Variants in GALNT13 observed in about 807,000 individuals in gnomAD.
The protein encoded by GALNT13 is UDP-GalNAc:polypeptide N-acetylgalactosaminyltransferase 13.
In GALNT13, 28 loss-of-function variants were observed where a neutral mutation model predicts 64.2. The ratio of observed to expected loss-of-function variants is 0.44; its 90% confidence interval spans 0.32 to 0.60. GALNT13 has a LOEUF of 0.60. Ranked by LOEUF, GALNT13 falls within the 20% of genes least tolerant of loss-of-function variation. The pLI, the probability that GALNT13 is intolerant of heterozygous loss-of-function variation, is 0.05. For synonymous variants in GALNT13, 214 were observed against 224.6 expected, an observed-to-expected ratio of 0.95 and a Z score of 0.42; for missense variants, 577 against 669.8, an observed-to-expected ratio of 0.86 and a Z score of 1.53.
the GALNT13 span, among the ~76,000 whole-genome samples, chr2:153,113,137 A>T: frequency 2.0e-5 from 3 of 152,002 alleles, no homozygotes; most frequent in Non-Finnish European, 1.5e-5. Context: ...ACGTCAAGAG[A>T]TTGTATTTGT....
chr2:153,094,263 A>G, the GALNT13 span, among the ~76,000 whole-genome samples: 9 of 152,076 alleles, frequency 5.9e-5, no homozygotes, highest in South Asian at 4.1e-4. Flanking sequence ...ACTTATAGCT[A>G]TAACTTCCCT....
the GALNT13 span, among the ~76,000 whole-genome samples, chr2:153,112,916 T>A: frequency 6.6e-6 from 1 of 152,032 alleles, no homozygotes; most frequent in Non-Finnish European, 1.5e-5. Flanking sequence ...TCTAAGAGCT[T>A]TTTTCTCACA....
the GALNT13 span, among the ~76,000 whole-genome samples, chr2:153,522,012 A>AT: frequency 1.3e-5 from 2 of 152,074 alleles, no homozygotes; most frequent in Non-Finnish European, 1.5e-5. Context: ...ATCTGTATGC[A>AT]TTTTTTTGTA....
At chr2:154,277,748 T>A (rs1691729193) in intron 8 of GALNT13, among the ~76,000 whole-genome samples, 1 of 152,192 alleles carries the variant, frequency 6.6e-6, no homozygotes, top group Non-Finnish European at 1.5e-5. Flanking sequence ...GTACTACCCT[T>A]AAAAATTATA....
chr2:153,536,161 T>C, the GALNT13 span, among the ~76,000 whole-genome samples: 1 of 152,198 alleles, frequency 6.6e-6, no homozygotes, highest in East Asian at 1.9e-4. Context: ...AGGGTTTTCT[T>C]TTCTCTCCCA....
chr2:153,717,137 T>TC, the GALNT13 span, among the ~76,000 whole-genome samples: 1 of 152,136 alleles, frequency 6.6e-6, no homozygotes, highest in African/African-American at 2.4e-5. Context: ...CAGTGTTTAT[T>TC]CCCCCGACAT....
chr2:154,264,970 TAA>T (rs147717890), intron 8 of GALNT13, among the ~76,000 whole-genome samples: 7 of 148,726 alleles, frequency 4.7e-5, no homozygotes, highest in East Asian at 3.9e-4. Flanking sequence ...ACCTATATGA[TAA>T]AAAAAAATAT....
the GALNT13 span, among the ~76,000 whole-genome samples, chr2:153,323,284 T>C: frequency 6.6e-6 from 1 of 152,212 alleles, no homozygotes; most frequent in Non-Finnish European, 1.5e-5. Context: ...TTTGGCCTCA[T>C]AAATGTCTCC....
the GALNT13 span, among the ~76,000 whole-genome samples, chr2:153,695,468 C>G: frequency 6.6e-6 from 1 of 152,164 alleles, no homozygotes; most frequent in Non-Finnish European, 1.5e-5. Flanking sequence ...AGGTCTACAA[C>G]AAGCTCTAAT....
the GALNT13 span, among the ~76,000 whole-genome samples, chr2:153,745,460 T>C: frequency 7.2e-5 from 11 of 152,282 alleles, no homozygotes; most frequent in East Asian, 1.9e-3. Context: ...ACCTGATGAA[T>C]GCAGAGAAAT....
rs183468602 is a variant in GALNT13 at position 154,290,425 on chromosome 2, G to A, written c.976-10984G>A. 1.4e-3 allele frequency among the ~76,000 whole-genome samples: 206 copies of A among 152,340 alleles called. 1 individual carries two copies. Among genetic ancestry groups the A allele is most frequent in the African/African-American group, 4.7e-3 (196 of 41,584 alleles). On this transcript the variant is annotated intron_variant, in intron 8 of 12. Transcript: ENST00000392825. ...GAACTTTTACATCTCTCTTGCCGGGGTAGACTGAGATTACAGGAATTTATC... is the reference window on the plus strand; with the variant it reads ...GAACTTTTACATCTCTCTTGCCGGGATAGACTGAGATTACAGGAATTTATC...
chr2:154,270,825 G>C (rs1227871942), intron 8 of GALNT13, among the ~76,000 whole-genome samples: 1 of 151,850 alleles, frequency 6.6e-6, no homozygotes, highest in East Asian at 1.9e-4. Context: ...TAAATGGATA[G>C]TGGGTTTCTT....
chr2:154,001,764 T>G (rs1446522008), intron 3 of GALNT13, among the ~76,000 whole-genome samples: 1 of 152,102 alleles, frequency 6.6e-6, no homozygotes, highest in Non-Finnish European at 1.5e-5. Flanking sequence ...AGTTTTATAC[T>G]TTCAGATGTT....
intron 4 of GALNT13, among the ~76,000 whole-genome samples, chr2:154,158,527 C>T (rs75785911): frequency 1.1e-3 from 173 of 152,102 alleles, no homozygotes; most frequent in Non-Finnish European, 1.0e-3. Context: ...TTCTTTAGCA[C>T]CCTTCCATCT....
chr2:154,210,319 A>G (rs1687692105), intron 4 of GALNT13, among the ~76,000 whole-genome samples: 1 of 152,202 alleles, frequency 6.6e-6, no homozygotes, highest in Non-Finnish European at 1.5e-5. Context: ...TCTCTTCAGC[A>G]TGCTAATTTC....
At chr2:153,264,811 G>A in the GALNT13 span, among the ~76,000 whole-genome samples, 1 of 152,178 alleles carries the variant, frequency 6.6e-6, no homozygotes, top group Non-Finnish European at 1.5e-5. Flanking sequence ...GGGAGGCAGA[G>A]CATCAGGAAA....
chr2:154,153,000 A>G (rs1289430110), intron 4 of GALNT13, among the ~76,000 whole-genome samples: 2 of 151,916 alleles, frequency 1.3e-5, no homozygotes, highest in Non-Finnish European at 2.9e-5. Flanking sequence ...GGAGGAGGAG[A>G]GGCGCTCTGC....
chr2:153,780,051 A>G, the GALNT13 span, among the ~76,000 whole-genome samples: 2 of 151,830 alleles, frequency 1.3e-5, no homozygotes, highest in African/African-American at 4.8e-5. Flanking sequence ...GCTCGGGTGA[A>G]CTGCCTTCTT....
At chr2:154,100,586 C>G (rs1473977015) in intron 3 of GALNT13, among the ~76,000 whole-genome samples, 2 of 152,030 alleles carry the variant, frequency 1.3e-5, no homozygotes, top group Non-Finnish European at 1.5e-5. Context: ...AGTCGTTTAT[C>G]TAGTCAGGAG....
Sources: allele counts gnomAD v4.1 joint callset (sites outside exome capture counted in the v4.1 genomes callset), GRCh38; gene constraint gnomAD v4.1.1; transcripts MANE v1.5; gene names NCBI Gene and HGNC (gene_info 2026-07-23, HGNC 2026-07-21).